Variants in PCLO observed in about 807,000 individuals in gnomAD.
PCLO encodes the protein protein piccolo.
In PCLO, 82 loss-of-function variants were observed where a neutral mutation model predicts 427.5. The observed-to-expected ratio is 0.19, with a 90% CI of 0.16 to 0.23. The LOEUF (loss-of-function observed/expected upper bound fraction) is 0.23. Among genes scored for constraint, PCLO ranks in the 10% least tolerant of loss-of-function variants. The pLI, the probability that PCLO is intolerant of heterozygous loss-of-function variation, is 1.00. For synonymous variants in PCLO, 2,357 were observed against 2,155.4 expected, an observed-to-expected ratio of 1.09 and a Z score of -2.59; for missense variants, 6,239 against 6,115.9, an observed-to-expected ratio of 1.02 and a Z score of -0.67.
chr7:83,025,107 C>T lies in PCLO; in HGVS notation c.3301-58620G>A, dbSNP rs1009837247. On this transcript the variant is annotated intron_variant, in intron 3 of 24. Coordinates refer to ENST00000333891, the MANE Select transcript of PCLO (RefSeq NM_033026.6). ...CAACGGAACAAAGCTGGACGGAGAA[C>T]GACTTTGACGAGCTGAGAGAAGAAG... 4.2e-4 allele frequency among the ~76,000 whole-genome samples: 64 copies of T among 152,164 alleles called. 1 individual carries two copies. The highest frequency in any genetic ancestry group is 1.5e-3 in the African/African-American group (61 of 41,524).
At chr7:82,761,326 AG>A in intron 23 of PCLO, 32 bp downstream of exon 23, 2 of 1,239,284 alleles carry the variant, frequency 1.6e-6, no homozygotes, top group Non-Finnish European at 2.2e-6. Context: ...AAAAAAATCT[AG>A]ATATATTGAT....
chr7:83,142,565 G>A (rs1446996919), intron 2 of PCLO, among the ~76,000 whole-genome samples: 1 of 152,052 alleles, frequency 6.6e-6, no homozygotes, highest in Non-Finnish European at 1.5e-5. Context: ...AACTATTACA[G>A]TACCATTATA....
At chr7:83,047,252 T>C (rs71557158) in intron 3 of PCLO, among the ~76,000 whole-genome samples, 18,826 of 152,076 alleles carry the variant, frequency 0.12, 1,310 homozygotes, top group Admixed American at 0.16. Flanking sequence ...AAAGTACTTA[T>C]GAGAGAATTG....
At position 82,829,201 on chromosome 7, in the gene PCLO, T is replaced by C. The variant is rs1198830666; in HGVS notation, c.14250-1235A>G. On this transcript the variant is annotated intron_variant, in intron 16 of 24. Transcript: ENST00000333891. Reference sequence around the variant, plus strand: ...TACTTTCCCTGTATCTCTGATTTTATTTTCTTACCAGTCAGATACAAGGGA... The same window carrying C: ...TACTTTCCCTGTATCTCTGATTTTACTTTCTTACCAGTCAGATACAAGGGA... Among the ~76,000 whole-genome samples the C allele has an allele frequency of 6.6e-5, 10 of 152,256 alleles. No individual in the cohort carries two copies. The South Asian group carries it at 2.1e-3, about 32-fold the overall frequency.
intron 9 of PCLO, among the ~76,000 whole-genome samples, chr7:82,882,418 C>A (rs1026979004): frequency 2.0e-5 from 3 of 152,052 alleles, no homozygotes; most frequent in African/African-American, 7.2e-5. Context: ...TGTTTCATCT[C>A]AAAACATTGA....
intron 10 of PCLO, among the ~76,000 whole-genome samples, chr7:82,861,975 G>T (rs1433156262): frequency 3.3e-5 from 5 of 151,832 alleles, no homozygotes; most frequent in African/African-American, 9.7e-5. Flanking sequence ...TGAGAGGGAA[G>T]TTTATAGCTA....
chr7:82,915,395 G>T lies in PCLO; in HGVS notation c.12591C>A (p.Asp4197Glu). The T allele has an allele frequency of 6.2e-7, 1 of 1,613,518 alleles. No individual in the cohort carries two copies. The highest frequency in any genetic ancestry group is 8.5e-7 in the Non-Finnish European group (1 of 1,179,702). ...TAGGTGAAAATTTTGACATTTTAGG[G>T]TCAATTAGTGATTTCTTATGCTTTG... ...KQSKHKKSLI[D>E]PKMSKFSPIQ... The change falls in exon 7 of 25, where the codon GAC becomes GAA. Residue 4197 changes from aspartate (D) to glutamate (E), a missense_variant. Coordinates refer to ENST00000333891, the MANE Select transcript of PCLO (RefSeq NM_033026.6).
At chr7:83,097,933 T>A (rs891917859) in intron 3 of PCLO, among the ~76,000 whole-genome samples, 5 of 152,180 alleles carry the variant, frequency 3.3e-5, no homozygotes, top group Non-Finnish European at 5.9e-5. Flanking sequence ...GTTTTATGAT[T>A]ATATTTTTCA....
At chr7:82,816,599 G>T (rs536733344) in intron 20 of PCLO, among the ~76,000 whole-genome samples, 2 of 152,102 alleles carry the variant, frequency 1.3e-5, no homozygotes, top group East Asian at 3.9e-4. Flanking sequence ...AAGAAACCTT[G>T]GTATGTTAAA....
At chr7:83,051,402 A>G (rs73161296) in intron 3 of PCLO, among the ~76,000 whole-genome samples, 1,802 of 152,260 alleles carry the variant, frequency 0.012, 17 homozygotes, top group Non-Finnish European at 0.018. Flanking sequence ...ATGTCTTTCT[A>G]TATACCAGCA....
intron 6 of PCLO, among the ~76,000 whole-genome samples, chr7:82,941,631 G>T (rs115878445): frequency 2.6e-5 from 4 of 152,110 alleles, no homozygotes; most frequent in Non-Finnish European, 5.9e-5. Flanking sequence ...ATGAGACTAT[G>T]AAAGTATCGT....
intron 5 of PCLO, 74 bp downstream of exon 5, chr7:82,951,782 T>C: frequency 6.6e-7 from 1 of 1,511,862 alleles, no homozygotes. Flanking sequence ...AGAAGCCACA[T>C]TTTCATCCTG....
intron 3 of PCLO, among the ~76,000 whole-genome samples, chr7:82,975,568 T>C (rs559179951): frequency 1.3e-5 from 2 of 152,302 alleles, no homozygotes; most frequent in African/African-American, 4.8e-5. Context: ...CTGTAAGCTC[T>C]TCTTGCAGGG....
chr7:83,151,029 C>T (rs1221392854), intron 2 of PCLO, among the ~76,000 whole-genome samples: 1 of 152,132 alleles, frequency 6.6e-6, no homozygotes, highest in Admixed American at 6.5e-5. Flanking sequence ...ATTTCATCAA[C>T]CTTATCTCCT....
rs1791818218 is a variant in PCLO, at chr7:82,822,504, T to A, written c.14782A>T (p.Ile4928Phe). ...TATTTGCGTCTTTTACTTGGTTGAA[T>A]GCGGAGTTGTTGCACGGCAGCTTCG... ...AAEAAVQQLRIQPTKPPNHRP... is the reference protein window; with the variant it reads ...AAEAAVQQLRFQPTKPPNHRP... The change falls in exon 20 of 25, where the codon ATT becomes TTT. Residue 4928 changes from isoleucine to phenylalanine, a missense_variant. Ile to Phe is a conservative substitution (Grantham distance 21). This residue lies in a region of PCLO where 877 missense variants were observed against 925.5 expected (regional missense o/e 0.95). Transcript: ENST00000333891. 2 of 1,613,872 alleles carry A rather than the reference T, an allele frequency of 1.2e-6. No homozygotes were observed. The highest frequency in any genetic ancestry group is 1.7e-6 in the Non-Finnish European group (2 of 1,179,846).
At chr7:82,801,425 C>G (rs1029413702) in intron 22 of PCLO, 93 bp downstream of exon 22, 2 of 703,006 alleles carry the variant, frequency 2.8e-6, no homozygotes, top group Admixed American at 2.3e-5. Flanking sequence ...TAGTTTGTAA[C>G]ATTTAAATTC....
chr7:83,064,022 C>A (rs1347334749), intron 3 of PCLO, among the ~76,000 whole-genome samples: 2 of 151,980 alleles, frequency 1.3e-5, no homozygotes, highest in African/African-American at 4.8e-5. Context: ...CCTATTAAGG[C>A]CCTTCCATGG....
intron 3 of PCLO, among the ~76,000 whole-genome samples, chr7:82,970,073 T>C (rs921522312): frequency 6.6e-6 from 1 of 151,950 alleles, no homozygotes; most frequent in Non-Finnish European, 1.5e-5. Context: ...AATTCAATGA[T>C]TAAGTTAAGA....
At chr7:82,962,289 T>G (rs1795671339) in intron 4 of PCLO, among the ~76,000 whole-genome samples, 2 of 152,160 alleles carry the variant, frequency 1.3e-5, no homozygotes, top group Admixed American at 1.3e-4. Context: ...AATCTTCTTT[T>G]GAATTTTCTT....
Sources: allele counts gnomAD v4.1 joint callset (sites outside exome capture counted in the v4.1 genomes callset), GRCh38; gene constraint gnomAD v4.1.1; regional missense constraint gnomAD v4.1.1; transcripts MANE v1.5; gene names NCBI Gene and HGNC (gene_info 2026-07-23, HGNC 2026-07-21).